CNTNAP5: variants seen among roughly 807,000 people sequenced by gnomAD.
The protein encoded by CNTNAP5 is contactin associated protein family member 5.
Under a neutral mutation model 150.2 loss-of-function variants are expected in CNTNAP5, and 72 were observed. The observed-to-expected ratio is 0.48, with a 90% CI of 0.40 to 0.58. The LOEUF (loss-of-function observed/expected upper bound fraction) is 0.58. Among genes scored for constraint, CNTNAP5 ranks in the 20% least tolerant of loss-of-function variants. The probability of loss-of-function intolerance (pLI) is 0.00; values close to 1 mark genes in which losing one functional copy is unlikely to be tolerated. For synonymous variants in CNTNAP5, 672 were observed against 619.8 expected (o/e 1.08, Z -1.25); for missense variants, 1,636 against 1,626.2 (o/e 1.01, Z -0.10).
chr2:124,664,409 A>G (rs1678655988), intron 13 of CNTNAP5, among the ~76,000 whole-genome samples: 1 of 152,106 alleles, frequency 6.6e-6, no homozygotes, highest in South Asian at 2.1e-4. Flanking sequence ...CCAGAAACAG[A>G]ACATCTTAAT....
chr2:124,771,738 G>C (rs998203478), intron 16 of CNTNAP5, among the ~76,000 whole-genome samples: 1 of 138,094 alleles, frequency 7.2e-6, no homozygotes, highest in Non-Finnish European at 1.6e-5. Flanking sequence ...CACCACCACC[G>C]TTACCACCAT....
intron 21 of CNTNAP5, among the ~76,000 whole-genome samples, chr2:124,875,127 A>G (rs370694453): frequency 6.6e-6 from 1 of 152,044 alleles, no homozygotes; most frequent in African/African-American, 2.4e-5. Flanking sequence ...CCAATCCCTC[A>G]GGTTTAAACT....
At chr2:124,638,200 AATACATATATATG>A (rs148089008) in intron 12 of CNTNAP5, among the ~76,000 whole-genome samples, 71,448 of 147,540 alleles carry the variant, frequency 0.48, 18,792 homozygotes, top group Non-Finnish European at 0.6. Context: ...AGATATATAT[AATACATATATATG>A]ATACATATAT....
At chr2:124,170,545 G>A (rs986166588) in intron 1 of CNTNAP5, among the ~76,000 whole-genome samples, 9 of 152,144 alleles carry the variant, frequency 5.9e-5, no homozygotes, top group African/African-American at 1.7e-4. Flanking sequence ...CAAGAGTGCC[G>A]CAGCTTCCCG....
intron 13 of CNTNAP5, among the ~76,000 whole-genome samples, chr2:124,734,411 A>C (rs746989614): frequency 2.4e-4 from 37 of 152,018 alleles, no homozygotes; most frequent in Non-Finnish European, 5.0e-4. Flanking sequence ...AATCACAAGA[A>C]ATCTAACTGA....
intron 13 of CNTNAP5, among the ~76,000 whole-genome samples, chr2:124,655,945 G>GAGAA (rs766640499): frequency 0.11 from 5,963 of 55,244 alleles, 436 homozygotes; most frequent in East Asian, 0.16. Context: ...GAGAGAGAGA[G>GAGAA]AGAAAGAAAG....
chr2:124,903,030 G>T lies in CNTNAP5; in HGVS notation c.3585G>T (p.Leu1195Phe). The T allele has an allele frequency of 6.2e-7, 1 of 1,608,850 alleles. No homozygotes were observed. Among genetic ancestry groups the T allele is most frequent in the South Asian group, 1.1e-5 (1 of 90,164 alleles). Reference sequence around the variant, plus strand: ...CGCCTGTGACTGTCCATGGGACCTTGACGGAATCCAGCTGTGGCTTCATGG... The same window carrying T: ...CGCCTGTGACTGTCCATGGGACCTTTACGGAATCCAGCTGTGGCTTCATGG... ...TVAPVTVHGT[L>F]TESSCGFMVD... Residue 1195 changes from leucine to phenylalanine, a missense_variant, in exon 22 of 24, where the codon TTG (leucine) becomes TTT (phenylalanine). By Grantham distance (22) the Leu-to-Phe change is conservative. Transcript: ENST00000682447.
At position 124,853,455 on chromosome 2, in the gene CNTNAP5, G is replaced by T. The variant is rs115573137; in HGVS notation, c.3218-11851G>T. On this transcript the variant is annotated intron_variant, in intron 19 of 23. Coordinates refer to ENST00000682447, the MANE Select transcript of CNTNAP5 (RefSeq NM_001367498.1). The stretch of plus-strand genomic sequence containing the variant: ...CCCTACTTTTCAAAATGATGAGGTT[G>T]GTTGTGCAAATGGCTGCTAAGGTTC... Among the ~76,000 whole-genome samples the T allele has an allele frequency of 9.5e-3, 1,453 of 152,198 alleles. 19 individuals carry two copies. The highest frequency in any genetic ancestry group is 0.033 in the African/African-American group (1,381 of 41,518).
rs114427460 is a variant in CNTNAP5, at chr2:124,643,868, C to A, written c.1877-3890C>A. 6.0e-4 allele frequency among the ~76,000 whole-genome samples: 91 copies of A among 152,286 alleles called. 1 individual carries two copies. The highest frequency in any genetic ancestry group is 3.4e-3 in the Middle Eastern group (1 of 294). On this transcript the variant is annotated intron_variant, in intron 12 of 23. Coordinates refer to ENST00000682447, the MANE Select transcript of CNTNAP5 (RefSeq NM_001367498.1). ...CGAATAGGATTGTTTCTAAAGCCAA[C>A]CTGTTTCATGGTCTTATTGGTGCCA...
chr2:124,764,105 G>A lies in CNTNAP5; in HGVS notation c.2491G>A (p.Glu831Lys), dbSNP rs1342295140. 6.2e-7 allele frequency: 1 copy of A among 1,612,904 alleles called. No homozygotes were observed. Reference sequence around the variant, plus strand: ...CACAGCATTATCCGGAGTTTTCCTAGAAAATCTTGGCATTAAAGACTTCAT... The same window carrying A: ...CACAGCATTATCCGGAGTTTTCCTAAAAAATCTTGGCATTAAAGACTTCAT... Reference protein sequence around the residue: ...KTTALSGVFLENLGIKDFIRL... With the variant: ...KTTALSGVFLKNLGIKDFIRL... The change falls in exon 16 of 24, where the codon GAA becomes AAA. Residue 831 changes from glutamate (E) to lysine (K), a missense_variant. Transcript: ENST00000682447.
chr2:124,883,282 G>A (rs1678005604), intron 21 of CNTNAP5, among the ~76,000 whole-genome samples: 1 of 151,818 alleles, frequency 6.6e-6, no homozygotes, highest in South Asian at 2.1e-4. Context: ...GGCTGGTCTT[G>A]AACTCATGGG....
chr2:124,429,667 G>A (rs186683418), intron 4 of CNTNAP5, among the ~76,000 whole-genome samples: 5 of 152,212 alleles, frequency 3.3e-5, no homozygotes, highest in African/African-American at 4.8e-5. Context: ...GAAAGCTCCC[G>A]CACCCCACCA....
intron 17 of CNTNAP5, among the ~76,000 whole-genome samples, chr2:124,789,079 G>A (rs1297603991): frequency 1.3e-5 from 2 of 152,158 alleles, no homozygotes; most frequent in Non-Finnish European, 2.9e-5. Flanking sequence ...TGTCTATCTG[G>A]CTCTGGTCTA....
chr2:124,037,771 G>A (rs1016999349), intron 1 of CNTNAP5, among the ~76,000 whole-genome samples: 1 of 152,140 alleles, frequency 6.6e-6, no homozygotes, highest in African/African-American at 2.4e-5. Context: ...GTACAGCAAG[G>A]TGACTATACT....
chr2:124,758,781 G>C (rs1680895005), intron 14 of CNTNAP5, among the ~76,000 whole-genome samples: 1 of 152,092 alleles, frequency 6.6e-6, no homozygotes, highest in East Asian at 1.9e-4. Flanking sequence ...AACATAAAGA[G>C]AGAGCTTAAT....
chr2:124,314,902 A>C (rs1291226482), intron 3 of CNTNAP5, among the ~76,000 whole-genome samples: 1 of 152,154 alleles, frequency 6.6e-6, no homozygotes, highest in Non-Finnish European at 1.5e-5. Flanking sequence ...TTGTTTCAAA[A>C]TTTCTTTTAA....
At chr2:124,599,201 A>T (rs1017860207) in intron 11 of CNTNAP5, among the ~76,000 whole-genome samples, 5 of 152,170 alleles carry the variant, frequency 3.3e-5, no homozygotes, top group African/African-American at 1.2e-4. Flanking sequence ...ATTCAATTAA[A>T]ATTTGATCGT....
chr2:124,764,194 GTTTT>G, intron 16 of CNTNAP5, 47 bp downstream of exon 16: 1 of 1,518,536 alleles, frequency 6.6e-7, no homozygotes, highest in Non-Finnish European at 9.1e-7. Flanking sequence ...CAACAAACAA[GTTTT>G]AGTCTTGTTT....
intron 1 of CNTNAP5, among the ~76,000 whole-genome samples, chr2:124,189,851 A>T (rs1356042141): frequency 6.6e-6 from 1 of 152,206 alleles, no homozygotes; most frequent in Non-Finnish European, 1.5e-5. Context: ...AAGGTATAGG[A>T]GACTAAGCTG....
Sources: gnomAD v4.1 joint callset for allele counts (sites outside exome capture counted in the v4.1 genomes callset) on GRCh38, gnomAD v4.1.1 for gene constraint, MANE v1.5 for transcripts, NCBI Gene and HGNC (gene_info 2026-07-23, HGNC 2026-07-21) for gene names.